The following ZXDC variants were observed in gnomAD, a reference collection of about 807,000 sequenced individuals.
ZXDC encodes the protein zinc finger protein ZXDC.
In ZXDC, 58 loss-of-function variants were observed where a neutral mutation model predicts 63.6. That is an observed-to-expected ratio of 0.91 (90% CI 0.74 to 1.13). The LOEUF (loss-of-function observed/expected upper bound fraction) is 1.13, where lower values mean the gene tolerates loss of function less well. ZXDC is among the 50% of genes most tolerant of loss of function. The probability of loss-of-function intolerance (pLI) is 0.00; values close to 1 mark genes in which losing one functional copy is unlikely to be tolerated. For missense variants in ZXDC, 1,133 were observed against 1,148.9 expected (o/e 0.99, Z 0.20); for synonymous variants, 561 against 496.1 (o/e 1.13, Z -1.74).
At chr3:126,473,528 C>G (rs780375763) in intron 1 of ZXDC, among the ~76,000 whole-genome samples, 47 of 152,210 alleles carry the variant, frequency 3.1e-4, no homozygotes, top group Admixed American at 4.6e-4. Flanking sequence ...CCCTGACCTT[C>G]CCAGTGTCAT....
Position 126,475,586 on chromosome 3 carries a change from G to C in ZXDC, c.280C>G (p.Gln94Glu), listed in dbSNP as rs745817303. ...ACACGGGAGCCAGGCTCGGCCTCCT[G>C]TGATCCGGCAGCCTCGGCGGCAGCG... is the stretch of plus-strand genomic sequence containing the variant. ...GGAAAEAAGS[Q>E]EAEPGSRVNL... is the part of the protein sequence containing the mutation. The change falls in exon 1 of 10, where the codon CAG (glutamine) becomes GAG (glutamate). Residue 94 changes from glutamine (Q) to glutamate (E), a missense_variant. Transcript: ENST00000389709. 152 of 1,460,440 alleles carry C rather than the reference G, an allele frequency of 1.0e-4. No homozygotes were observed. The highest frequency in any genetic ancestry group is 1.3e-4 in the Non-Finnish European group (146 of 1,103,038). The allele number at this position is 1,460,440 out of a possible 1,614,324, so 90.5% of individuals were successfully genotyped here. A position where few individuals can be genotyped will look rare whatever the true frequency, so the allele number is the denominator to read the frequency against.
chr3:126,445,857 T>C (rs1398313436), intron 7 of ZXDC, among the ~76,000 whole-genome samples: 2 of 152,146 alleles, frequency 1.3e-5, no homozygotes, highest in Non-Finnish European at 2.9e-5. Context: ...TGGTGGTATG[T>C]CGTGAACATT....
intron 9 of ZXDC, among the ~76,000 whole-genome samples, chr3:126,439,072 G>A (rs1429150012): frequency 6.6e-6 from 1 of 152,204 alleles, no homozygotes; most frequent in Non-Finnish European, 1.5e-5. Context: ...CCGGCCCTCT[G>A]CTCCCACCAG....
intron 7 of ZXDC, among the ~76,000 whole-genome samples, chr3:126,458,082 G>C (rs1048022603): frequency 2.0e-5 from 3 of 152,090 alleles, no homozygotes; most frequent in Admixed American, 1.3e-4. Context: ...GAACCCCACT[G>C]GATTCTGATT....
At chr3:126,446,559 G>A (rs916942747) in intron 7 of ZXDC, among the ~76,000 whole-genome samples, 1 of 152,144 alleles carries the variant, frequency 6.6e-6, no homozygotes, top group Non-Finnish European at 1.5e-5. Context: ...CACAGATGAG[G>A]CTCAGGCCCC....
chr3:126,457,364 T>C (rs1328621053), intron 7 of ZXDC: 5 of 985,192 alleles, frequency 5.1e-6, no homozygotes, highest in African/African-American at 1.7e-5. Context: ...AGCAGACCCA[T>C]GGGCGCGGGA....
intron 7 of ZXDC, chr3:126,453,490 A>G: frequency 4.1e-6 from 4 of 985,434 alleles, no homozygotes; most frequent in Non-Finnish European, 4.8e-6. Flanking sequence ...TGTGTTCCAT[A>G]TACAGTAATA....
chr3:126,459,765 A>C, intron 6 of ZXDC, 28 bp from the exon 7 acceptor site: 2 of 1,614,124 alleles, frequency 1.2e-6, no homozygotes, highest in Non-Finnish European at 1.7e-6. Flanking sequence ...CATGTCAGTC[A>C]CTTATCTAGA....
At chr3:126,453,206 T>A (rs921905231) in intron 7 of ZXDC, 29 of 985,226 alleles carry the variant, frequency 2.9e-5, no homozygotes, top group Non-Finnish European at 3.1e-5. Flanking sequence ...TTCTAACTTA[T>A]TATCATACAG....
At chr3:126,455,213 T>C (rs1934259949) in intron 7 of ZXDC, 1 of 389,410 alleles carries the variant, frequency 2.6e-6, no homozygotes, top group African/African-American at 2.2e-5. Context: ...CCTGAACTGA[T>C]GTAAAGCTAT....
chr3:126,459,021 T>C (rs1934417595), intron 7 of ZXDC: 9 of 983,452 alleles, frequency 9.2e-6, no homozygotes, highest in Non-Finnish European at 1.1e-5. Flanking sequence ...ACAAATGAAA[T>C]ACACAAAAAA....
intron 8 of ZXDC, 37 bp from the exon 9 acceptor site, chr3:126,439,764 G>A (rs1408195556): frequency 6.5e-7 from 1 of 1,540,904 alleles, no homozygotes; most frequent in East Asian, 2.4e-5. Context: ...TCACATGTCT[G>A]TGAGAGTGCA....
rs58726927 is a variant in ZXDC, at chr3:126,444,487, A to C, written c.2213-2541T>G. 3.2e-3 allele frequency among the ~76,000 whole-genome samples: 491 copies of C among 152,034 alleles called. 5 individuals are homozygous for C. Among genetic ancestry groups the C allele is most frequent in the African/African-American group, 0.011 (461 of 41,456 alleles). On this transcript the variant is annotated intron_variant, in intron 7 of 9. Transcript: ENST00000389709. ...GCAGAGCTTGCAGTGAGCCGAGATC[A>C]TGCCACTGCACTCCAGCCTGGGTGA... is the stretch of plus-strand genomic sequence containing the variant.
At position 126,466,376 on chromosome 3, in the gene ZXDC, AG is replaced by A. The variant is rs1169372701; in HGVS notation, c.1271-52del. The A allele has an allele frequency of 2.5e-6, 4 of 1,609,534 alleles. No homozygotes were observed. In the South Asian group the frequency reaches 4.4e-5, roughly 18 times the overall value. ...GAAACCCAAGGATCACCAAGGAACC[AG>A]GAACAAGTGACACTTCCCCATCAGA... is the stretch of plus-strand genomic sequence containing the variant. On this transcript the variant is annotated intron_variant, in intron 4 of 9. Coordinates refer to ENST00000389709, the MANE Select transcript of ZXDC (RefSeq NM_025112.5).
intron 7 of ZXDC, among the ~76,000 whole-genome samples, chr3:126,444,241 T>A (rs1933786592): frequency 6.6e-6 from 1 of 152,128 alleles, no homozygotes; most frequent in African/African-American, 2.4e-5. Flanking sequence ...GTTATTATAT[T>A]AGAAATATTG....
intron 1 of ZXDC, among the ~76,000 whole-genome samples, chr3:126,472,803 G>C (rs1167477073): frequency 6.6e-6 from 1 of 152,136 alleles, no homozygotes; most frequent in Non-Finnish European, 1.5e-5. Context: ...TGCCAGCCCT[G>C]TCCCTTGCTG....
chr3:126,453,553 A>C (rs1934192282), intron 7 of ZXDC: 1 of 985,350 alleles, frequency 1.0e-6, no homozygotes, highest in Non-Finnish European at 1.2e-6. Context: ...CATGTAATCC[A>C]CAAGAATCCC....
intron 7 of ZXDC, chr3:126,454,911 A>G (rs1934247629): frequency 1.0e-6 from 1 of 985,414 alleles, no homozygotes; most frequent in African/African-American, 1.7e-5. Context: ...TATTTTCTAC[A>G]CTCAACAGCA....
At chr3:126,463,113 G>A (rs1934621836) in intron 5 of ZXDC, among the ~76,000 whole-genome samples, 3 of 151,872 alleles carry the variant, frequency 2.0e-5, no homozygotes, top group African/African-American at 7.3e-5. Flanking sequence ...CTGTCGCCCA[G>A]GCTGGAGTGC....
Sources: gnomAD v4.1 joint callset for allele counts (sites outside exome capture counted in the v4.1 genomes callset) on GRCh38, gnomAD v4.1.1 for gene constraint, MANE v1.5 for transcripts, NCBI Gene and HGNC (gene_info 2026-07-23, HGNC 2026-07-21) for gene names.